Variants in UTRN observed in about 807,000 individuals in gnomAD.
The protein encoded by UTRN is dystrophin-related protein 1.
Under a neutral mutation model 463.9 loss-of-function variants are expected in UTRN, and 283 were observed. That is an observed-to-expected ratio of 0.61 (90% CI 0.55 to 0.67). The LOEUF (loss-of-function observed/expected upper bound fraction) is 0.67, where lower values mean the gene tolerates loss of function less well. Among genes scored for constraint, UTRN ranks in the 30% least tolerant of loss-of-function variants. The pLI, the probability that UTRN is intolerant of heterozygous loss-of-function variation, is 0.00. For synonymous variants in UTRN, 1,442 were observed against 1,431.5 expected (o/e 1.01, Z -0.17); for missense variants, 3,922 against 4,084.3 (o/e 0.96, Z 1.08).
At chr6:144,511,874 A>G (rs1032657477) in intron 35 of UTRN, among the ~76,000 whole-genome samples, 13 of 152,128 alleles carry the variant, frequency 8.5e-5, no homozygotes, top group African/African-American at 2.9e-4. Context: ...TGAGGAAGGC[A>G]TTGTCATTTA....
chr6:144,718,758 A>C (rs1562811842), intron 53 of UTRN, among the ~76,000 whole-genome samples: 1 of 152,218 alleles, frequency 6.6e-6, no homozygotes, highest in Non-Finnish European at 1.5e-5. Context: ...GCTTTCCGCT[A>C]TACCTGCTCT....
chr6:144,792,966 C>T (rs1293867256), intron 62 of UTRN, among the ~76,000 whole-genome samples: 1 of 151,696 alleles, frequency 6.6e-6, no homozygotes, highest in East Asian at 1.9e-4. Context: ...ATGGAAAAAC[C>T]TAAAAACTGT....
Position 144,542,847 on chromosome 6 carries a change from C to A in UTRN, c.6572C>A (p.Ser2191Tyr). ...AAGGAATGCATCCAGGAGCCCAGTTCTGTTTCACAGACAAGGATTGCTGGT... is the reference window on the plus strand; with the variant it reads ...AAGGAATGCATCCAGGAGCCCAGTTATGTTTCACAGACAAGGATTGCTGGT... ...TLKECIQEPS[S>Y]VSQTRIAAHP... Residue 2191 changes from serine to tyrosine, a missense_variant, in exon 46 of 75, where the codon TCT becomes TAT. Around this residue, in one of 3 missense-constraint regions of UTRN, gnomAD observed 2,349 missense variants for 2,303.8 expected, o/e 1.02. Transcript: ENST00000367545. 1 of 1,613,506 alleles carries A rather than the reference C, an allele frequency of 6.2e-7. No homozygotes were observed. The highest frequency in any genetic ancestry group is 1.1e-5 in the South Asian group (1 of 90,838).
chr6:144,444,629 T>C (rs922736143), intron 14 of UTRN, among the ~76,000 whole-genome samples: 9 of 152,232 alleles, frequency 5.9e-5, no homozygotes, highest in African/African-American at 2.2e-4. Flanking sequence ...TTAGAAGATA[T>C]GCTATTTTCA....
At chr6:144,798,973 C>T (rs1777479898) in intron 64 of UTRN, among the ~76,000 whole-genome samples, 2 of 152,244 alleles carry the variant, frequency 1.3e-5, no homozygotes, top group Admixed American at 1.3e-4. Context: ...AACTCCCGAC[C>T]ATGTGATCTG....
intron 51 of UTRN, among the ~76,000 whole-genome samples, chr6:144,629,521 T>A (rs1271748547): frequency 6.6e-5 from 10 of 152,208 alleles, no homozygotes; most frequent in Non-Finnish European, 2.9e-5. Context: ...CTTGATCAGA[T>A]CCCCCTTCTT....
intron 2 of UTRN, among the ~76,000 whole-genome samples, chr6:144,367,321 G>T (rs1247895061): frequency 2.6e-5 from 3 of 116,956 alleles, no homozygotes; most frequent in Non-Finnish European, 1.8e-5. Flanking sequence ...TTATACATGA[G>T]TCAAGGATTT....
chr6:144,533,199 C>T lies in UTRN; in HGVS notation c.6172C>T (p.Leu2058=), dbSNP rs1329552601. ...AGATGGAAGCTTCTTGAAAGAAAAA[C>T]TGGCAGGTTTAAACCAACGCTGGGA... ...QADGSFLKEK[L]AGLNQRWDAI... is the part of the protein sequence containing the mutation. The change falls in exon 43 of 75, where the codon CTG becomes TTG. Residue 2058 remains leucine, a synonymous_variant. Coordinates refer to ENST00000367545, the MANE Select transcript of UTRN (RefSeq NM_007124.3). 1 of 1,614,150 alleles carries T rather than the reference C, an allele frequency of 6.2e-7. No homozygotes were observed.
intron 51 of UTRN, among the ~76,000 whole-genome samples, chr6:144,671,094 T>C (rs1562739841): frequency 6.6e-6 from 1 of 152,060 alleles, no homozygotes; most frequent in Non-Finnish European, 1.5e-5. Flanking sequence ...CTCCCTTTTG[T>C]TTAGTCTTGC....
chr6:144,365,850 G>C (rs1289366185), intron 2 of UTRN, among the ~76,000 whole-genome samples: 1 of 152,156 alleles, frequency 6.6e-6, no homozygotes, highest in African/African-American at 2.4e-5. Flanking sequence ...TGATTCTCCT[G>C]CTTCGGCCTC....
At chr6:144,519,760 G>A (rs548342030) in intron 39 of UTRN, among the ~76,000 whole-genome samples, 115 of 152,290 alleles carry the variant, frequency 7.6e-4, no homozygotes, top group African/African-American at 2.7e-3. Flanking sequence ...AAAAGAGGCA[G>A]TCTTAATGAA....
chr6:144,795,198 G>A (rs1294567115), intron 63 of UTRN, among the ~76,000 whole-genome samples: 1 of 152,072 alleles, frequency 6.6e-6, no homozygotes, highest in Non-Finnish European at 1.5e-5. Context: ...AAGGGACATG[G>A]ACTCATCCTT....
intron 34 of UTRN, 133 bp downstream of exon 34, chr6:144,499,560 A>T: frequency 1.7e-6 from 1 of 586,774 alleles, no homozygotes; most frequent in South Asian, 6.5e-5. Flanking sequence ...TTGTTTTTCC[A>T]CTTCTCTGTC....
intron 50 of UTRN, among the ~76,000 whole-genome samples, chr6:144,575,494 C>G (rs868791210): frequency 6.6e-6 from 1 of 152,080 alleles, no homozygotes; most frequent in Non-Finnish European, 1.5e-5. Flanking sequence ...ACAGTAGTCC[C>G]CCCTTATCTG....
chr6:144,566,299 G>A (rs1800395814), intron 50 of UTRN, among the ~76,000 whole-genome samples: 1 of 152,136 alleles, frequency 6.6e-6, no homozygotes, highest in Admixed American at 6.5e-5. Context: ...TTGTGAGTGG[G>A]ATGGAGAGTT....
intron 2 of UTRN, among the ~76,000 whole-genome samples, chr6:144,382,503 A>T (rs1052040348): frequency 5.3e-5 from 8 of 152,238 alleles, no homozygotes; most frequent in Non-Finnish European, 1.2e-4. Context: ...GCAGTGTACT[A>T]TTCTTTTTGA....
intron 2 of UTRN, among the ~76,000 whole-genome samples, chr6:144,346,730 A>G (rs9496938): frequency 0.15 from 23,323 of 151,942 alleles, 5,411 homozygotes; most frequent in African/African-American, 0.5. Flanking sequence ...GGCTGAGGCA[A>G]GAGAATCGCT....
chr6:144,594,185 G>T (rs1293169775), intron 51 of UTRN, among the ~76,000 whole-genome samples: 1 of 152,140 alleles, frequency 6.6e-6, no homozygotes, highest in Non-Finnish European at 1.5e-5. Flanking sequence ...GGAAATTGTA[G>T]AAATGACCAA....
At chr6:144,525,943 A>G (rs1006305306) in intron 41 of UTRN, among the ~76,000 whole-genome samples, 1 of 152,138 alleles carries the variant, frequency 6.6e-6, no homozygotes, top group African/African-American at 2.4e-5. Context: ...TGATGACCCA[A>G]TGATCATTCA....
Sources: gnomAD v4.1 joint callset for allele counts (sites outside exome capture counted in the v4.1 genomes callset) on GRCh38, gnomAD v4.1.1 for gene constraint, gnomAD v4.1.1 regional missense constraint, MANE v1.5 for transcripts, NCBI Gene and HGNC (gene_info 2026-07-23, HGNC 2026-07-21) for gene names.